The following ZCCHC2 variants were observed in gnomAD, a reference collection of about 807,000 sequenced individuals.
The protein encoded by ZCCHC2 is zinc finger CCHC domain-containing protein 2.
In ZCCHC2, 39 loss-of-function variants were observed where a neutral mutation model predicts 103.6. That is an observed-to-expected ratio of 0.38 (90% confidence interval 0.29 to 0.49). ZCCHC2 has a LOEUF of 0.49. ZCCHC2 is among the 20% of genes least tolerant of loss of function. The pLI is 0.96. For synonymous variants in ZCCHC2, 687 were observed against 608.9 expected, an observed-to-expected ratio of 1.13 and a Z score of -1.89; for missense variants, 1,483 against 1,491.0, an observed-to-expected ratio of 0.99 and a Z score of 0.09.
intron 4 of ZCCHC2, among the ~76,000 whole-genome samples, chr18:62,547,111 G>A (rs1767183453): frequency 6.6e-6 from 1 of 152,048 alleles, no homozygotes; most frequent in Non-Finnish European, 1.5e-5. Flanking sequence ...GATCATCTGA[G>A]GTCAGCAGTT....
chr18:62,572,082 T>G (rs1916618961), intron 12 of ZCCHC2, among the ~76,000 whole-genome samples: 1 of 152,198 alleles, frequency 6.6e-6, no homozygotes, highest in African/African-American at 2.4e-5. Flanking sequence ...TTTTTTCGTC[T>G]TCTTTTTTTA....
intron 1 of ZCCHC2, among the ~76,000 whole-genome samples, chr18:62,538,429 T>C (rs940813600): frequency 6.6e-6 from 1 of 152,196 alleles, no homozygotes. Context: ...GTAAATGTGG[T>C]TTTACATTTT....
At chr18:62,530,905 T>C (rs922653351) in intron 1 of ZCCHC2, among the ~76,000 whole-genome samples, 5 of 152,244 alleles carry the variant, frequency 3.3e-5, no homozygotes, top group Admixed American at 6.5e-5. Context: ...AAATCTGTTT[T>C]GCACTTTTGT....
chr18:62,524,097 G>C lies in ZCCHC2; in HGVS notation c.673G>C (p.Gly225Arg). The C allele has an allele frequency of 2.0e-6, 3 of 1,519,584 alleles. No homozygotes were observed. Among genetic ancestry groups the C allele is most frequent in the Non-Finnish European group, 2.6e-6 (3 of 1,139,156 alleles). 94.1% of individuals were successfully genotyped at this position (1,519,584 alleles called of 1,614,324 possible). The change falls in exon 1 of 14, where the codon GGC becomes CGC. Residue 225 changes from glycine (G) to arginine (R), a missense_variant. Physicochemically the swap from Gly to Arg is moderately radical, Grantham distance 125. This residue lies in a region of ZCCHC2 where 568 missense variants were observed against 525.1 expected (regional missense o/e 1.08). Transcript: ENST00000269499. ...CGCGGAGGACGAGCGCGGCGAGGACGGCGACGGCGAGCAGGACGCCGAGAA... is the reference window on the plus strand; with the variant it reads ...CGCGGAGGACGAGCGCGGCGAGGACCGCGACGGCGAGCAGGACGCCGAGAA... The part of the protein sequence containing the change: ...GGAEDERGED[G>R]DGEQDAEKDG...
At chr18:62,566,435 GGAAGACA>G (rs1195574380) in intron 11 of ZCCHC2, among the ~76,000 whole-genome samples, 3 of 152,174 alleles carry the variant, frequency 2.0e-5, no homozygotes, top group African/African-American at 7.2e-5. Flanking sequence ...AGCTAAATGA[GGAAGACA>G]GAAGTCTGTC....
At chr18:62,525,751 GTT>G (rs571636239) in intron 1 of ZCCHC2, among the ~76,000 whole-genome samples, 39 of 152,002 alleles carry the variant, frequency 2.6e-4, no homozygotes, top group Non-Finnish European at 4.7e-4. Flanking sequence ...ATCTCGGTGA[GTT>G]TGAAATTTTG....
At chr18:62,551,836 A>G (rs1598947251) in intron 5 of ZCCHC2, 5 of 152,400 alleles carry the variant, frequency 3.3e-5, no homozygotes, top group East Asian at 1.9e-4. Context: ...TGGAGCCTCT[A>G]TGGCTTAGGG....
At position 62,576,713 on chromosome 18, in the gene ZCCHC2, C is replaced by A. The variant is rs1416294064; in HGVS notation, c.*134C>A. The A allele has an allele frequency of 4.9e-6, 4 of 820,504 alleles. No individual in the cohort carries two copies. Among genetic ancestry groups the A allele is most frequent in the African/African-American group, 1.7e-5 (1 of 57,722 alleles). The allele number at this position is 820,504 out of a possible 1,614,324, so 50.8% of individuals were successfully genotyped here. ...TCTATGCAGTTGGGATTTTTCATTT[C>A]TCTTGTACCAATGTCCAAAACAAGA... is the stretch of plus-strand genomic sequence containing the variant. On this transcript the variant is annotated 3_prime_UTR_variant, in exon 14 of 14. Coordinates refer to ENST00000269499, the MANE Select transcript of ZCCHC2 (RefSeq NM_017742.6).
chr18:62,571,646 T>G (rs1916602877), intron 12 of ZCCHC2, among the ~76,000 whole-genome samples: 1 of 152,252 alleles, frequency 6.6e-6, no homozygotes, highest in South Asian at 2.1e-4. Context: ...TGTCATTCTT[T>G]ATGCATGATG....
intron 1 of ZCCHC2, among the ~76,000 whole-genome samples, chr18:62,527,556 T>G (rs1158342102): frequency 6.6e-6 from 1 of 152,234 alleles, no homozygotes; most frequent in Non-Finnish European, 1.5e-5. Context: ...TACATTGGAT[T>G]ACAACTTAAA....
At chr18:62,527,857 T>G (rs908379577) in intron 1 of ZCCHC2, among the ~76,000 whole-genome samples, 1 of 152,246 alleles carries the variant, frequency 6.6e-6, no homozygotes, top group African/African-American at 2.4e-5. Flanking sequence ...AAAATGCCTA[T>G]GTATTTTAAA....
Position 62,556,238 on chromosome 18 carries a change from A to G in ZCCHC2, c.1349A>G (p.Gln450Arg). Residue 450 changes from glutamine to arginine, a missense_variant, in exon 6 of 14, where the codon CAA (glutamine) becomes CGA (arginine). Physicochemically the swap from Gln to Arg is conservative, Grantham distance 43 (BLOSUM62 1). Around this residue, in one of 3 missense-constraint regions of ZCCHC2, gnomAD observed 884 missense variants for 907.5 expected, o/e 0.97. Transcript: ENST00000269499. ...LFSSSSQAFL[Q>R]SQKVHSFFQS... ...TCAAGTTCATCACAAGCTTTTCTAC[A>G]AAGTCAGAAAGTACACAGCTTCTTT... 1.9e-6 allele frequency: 3 copies of G among 1,606,026 alleles called. No homozygotes were observed. The highest frequency in any genetic ancestry group is 2.6e-6 in the Non-Finnish European group (3 of 1,175,884).
chr18:62,569,583 G>A (rs537267624), intron 11 of ZCCHC2, among the ~76,000 whole-genome samples: 7 of 151,440 alleles, frequency 4.6e-5, no homozygotes, highest in South Asian at 2.1e-4. Flanking sequence ...AAACAGATAC[G>A]GCTAGTTGGT....
At chr18:62,566,582 A>G (rs1373673805) in intron 11 of ZCCHC2, among the ~76,000 whole-genome samples, 1 of 152,208 alleles carries the variant, frequency 6.6e-6, no homozygotes, top group Non-Finnish European at 1.5e-5. Context: ...CCTGCCCTCC[A>G]CAAGCTCACT....
rs1916905470 is a variant in ZCCHC2, at chr18:62,577,709, A to G, written c.*1130A>G. Reference sequence around the variant, plus strand: ...TTCTGAGTGTGTTAAGATGGTATTAATCATGTCGGTGTCATGTCACTAAGT... The same window carrying G: ...TTCTGAGTGTGTTAAGATGGTATTAGTCATGTCGGTGTCATGTCACTAAGT... On this transcript the variant is annotated 3_prime_UTR_variant, in exon 14 of 14. Transcript: ENST00000269499. The G allele has an allele frequency of 6.6e-6, 1 of 152,444 alleles. No individual in the cohort carries two copies. The highest frequency in any genetic ancestry group is 2.1e-4 in the South Asian group (1 of 4,826). The allele number at this position is 152,444 out of a possible 1,614,324, so 9.4% of individuals were successfully genotyped here.
intron 5 of ZCCHC2, among the ~76,000 whole-genome samples, chr18:62,553,675 T>G (rs1280091334): frequency 6.6e-6 from 1 of 152,254 alleles, no homozygotes; most frequent in South Asian, 2.1e-4. Context: ...AGCAGCACTT[T>G]ATGTCTTCTG....
At chr18:62,526,994 T>C (rs1039414657) in intron 1 of ZCCHC2, 4 of 127,384 alleles carry the variant, frequency 3.1e-5, no homozygotes, top group African/African-American at 9.0e-5. Context: ...AAAGGGAAAT[T>C]CGTGTGGCAG....
Position 62,574,324 on chromosome 18 carries a change from T to C in ZCCHC2, c.2243T>C (p.Ile748Thr). ...PAPKPADGKTIGMLVPSPVAI... is the reference protein window; with the variant it reads ...PAPKPADGKTTGMLVPSPVAI... Reference sequence around the variant, plus strand: ...CCCAAACCCGCTGATGGCAAAACCATAGGGATGCTTGTTCCTAGTCCTGTT... The same window carrying C: ...CCCAAACCCGCTGATGGCAAAACCACAGGGATGCTTGTTCCTAGTCCTGTT... Residue 748 changes from isoleucine to threonine, a missense_variant, in exon 13 of 14, where the codon ATA (isoleucine) becomes ACA (threonine). Around this residue, in one of 3 missense-constraint regions of ZCCHC2, gnomAD observed 884 missense variants for 907.5 expected, o/e 0.97. Coordinates refer to ENST00000269499, the MANE Select transcript of ZCCHC2 (RefSeq NM_017742.6). 6.2e-7 allele frequency: 1 copy of C among 1,614,024 alleles called. No homozygotes were observed. Among genetic ancestry groups the C allele is most frequent in the Non-Finnish European group, 8.5e-7 (1 of 1,179,894 alleles).
In ZCCHC2 at chr18:62,550,421, G is replaced by A; in HGVS notation, c.1274G>A (p.Arg425Lys). The A allele has an allele frequency of 6.2e-7, 1 of 1,613,774 alleles. No individual in the cohort carries two copies. The highest frequency in any genetic ancestry group is 8.5e-7 in the Non-Finnish European group (1 of 1,179,814). ...GCCCTGAATCAGGGTTCCTTGAAAA[G>A]GGAGGAACGGCGACATCCTGACCTA... ...LRALNQGSLK[R>K]EERRHPDLEP... Residue 425 changes from arginine (R) to lysine (K), a missense_variant, in exon 5 of 14, where the codon AGG (arginine) becomes AAG (lysine). Around this residue, in one of 3 missense-constraint regions of ZCCHC2, gnomAD observed 31 missense variants for 58.4 expected, o/e 0.53. Coordinates refer to ENST00000269499, the MANE Select transcript of ZCCHC2 (RefSeq NM_017742.6).
Sources: allele counts gnomAD v4.1 joint callset (sites outside exome capture counted in the v4.1 genomes callset), GRCh38; gene constraint gnomAD v4.1.1; regional missense constraint gnomAD v4.1.1; transcripts MANE v1.5; gene names NCBI Gene and HGNC (gene_info 2026-07-23, HGNC 2026-07-21).